The following KIR3DL1 variants were observed in gnomAD, a reference collection of about 807,000 sequenced individuals.
The protein encoded by KIR3DL1 is killer cell immunoglobulin-like receptor 3DL1.
A neutral mutation model predicts 40.3 loss-of-function variants in KIR3DL1; 50 were observed. That is an observed-to-expected ratio of 1.24 (90% CI 0.99 to 1.57). KIR3DL1 has a LOEUF of 1.57. Ranked by LOEUF, KIR3DL1 falls within the 40% of genes most tolerant of loss-of-function variation. The pLI, the probability that KIR3DL1 is intolerant of heterozygous loss-of-function variation, is 0.00. For synonymous variants in KIR3DL1, 257 were observed against 207.2 expected, an observed-to-expected ratio of 1.24 and a Z score of -2.07; for missense variants, 661 against 559.9, an observed-to-expected ratio of 1.18 and a Z score of -1.82.
intron 6 of KIR3DL1, among the ~76,000 whole-genome samples, chr19:54,828,538 G>A (rs531620976): frequency 6.6e-6 from 1 of 151,132 alleles, no homozygotes; most frequent in South Asian, 2.1e-4. Context: ...AAAGCTGCTC[G>A]AGACATGTGG....
At chr19:54,827,920 C>G (rs796087544) in intron 6 of KIR3DL1, among the ~76,000 whole-genome samples, 10 of 148,360 alleles carry the variant, frequency 6.7e-5, no homozygotes, top group Non-Finnish European at 1.3e-4. Flanking sequence ...CTTCCAATCA[C>G]CTGTGGAAAT....
chr19:54,823,792 G>A (rs1401586407), intron 5 of KIR3DL1, among the ~76,000 whole-genome samples: 1 of 151,536 alleles, frequency 6.6e-6, no homozygotes, highest in African/African-American at 2.4e-5. Flanking sequence ...GGCCTAAAAG[G>A]CATTTTAATG....
rs778817060 is a variant in KIR3DL1, at chr19:54,830,315, A to G, written c.*40A>G. ...CCTTGAGGACGTCTTCTAGGGAGAC[A>G]ACAGCCCTGTCTCAAAACCGAGTTG... On this transcript the variant is annotated 3_prime_UTR_variant, in exon 9 of 9. Transcript: ENST00000391728. 9.3e-6 allele frequency: 14 copies of G among 1,506,982 alleles called. 2 individuals are homozygous for G. Among genetic ancestry groups the G allele is most frequent in the Admixed American group, 3.6e-5 (2 of 55,182 alleles). The allele number at this position is 1,506,982 out of a possible 1,614,324, so 93.4% of individuals were successfully genotyped here. A position where few individuals can be genotyped will look rare whatever the true frequency, so the allele number is the denominator to read the frequency against.
chr19:54,821,374 G>T (rs35746443), intron 4 of KIR3DL1, among the ~76,000 whole-genome samples, 191 bp from the exon 5 acceptor site: 40,524 of 150,654 alleles, frequency 0.27, 6,334 homozygotes, highest in Non-Finnish European at 0.32. Flanking sequence ...GGGTGGGGAA[G>T]TGAGGTCATA....
rs2061659424 is a variant in KIR3DL1, at chr19:54,821,872, A to G, written c.949+14A>G. 2.5e-6 allele frequency: 4 copies of G among 1,596,272 alleles called. No individual in the cohort carries two copies. Among genetic ancestry groups the G allele is most frequent in the African/African-American group, 1.4e-5 (1 of 73,908 alleles). On this transcript the variant is annotated intron_variant, in intron 5 of 8. Coordinates refer to ENST00000391728, the Ensembl canonical transcript of KIR3DL1. ...TTTCTGTCACAGGTGAGAAAAGCCC[A>G]TATCTCTCTCATGTCCTATGATCCT...
intron 4 of KIR3DL1, among the ~76,000 whole-genome samples, chr19:54,821,107 A>G (rs2061609383): frequency 6.6e-6 from 1 of 150,490 alleles, no homozygotes; most frequent in African/African-American, 2.5e-5. Flanking sequence ...TAGATGATAC[A>G]TATATAGATA....
intron 2 of KIR3DL1, among the ~76,000 whole-genome samples, chr19:54,817,957 G>A (rs2061432703): frequency 6.7e-6 from 1 of 148,476 alleles, no homozygotes; most frequent in Admixed American, 6.7e-5. Context: ...GGAAACCACA[G>A]CCATGGCCCT....
At chr19:54,826,150 C>A (rs1203456061) in intron 6 of KIR3DL1, among the ~76,000 whole-genome samples, 1 of 150,540 alleles carries the variant, frequency 6.6e-6, no homozygotes, top group African/African-American at 2.5e-5. Context: ...GGTGGGACAG[C>A]ATTCTCCTGC....
Position 54,819,709 on chromosome 19 carries a change from C to T in KIR3DL1, c.356-4C>T. Reference sequence around the variant, plus strand: ...CCTTCTAAACTCACAACTTCTCTTTCTAGGAAACCACAGAAAACCTTCCCT... The same window carrying T: ...CCTTCTAAACTCACAACTTCTCTTTTTAGGAAACCACAGAAAACCTTCCCT... On this transcript the variant is annotated splice_polypyrimidine_tract_variant and splice_region_variant and intron_variant, in intron 3 of 8. Coordinates refer to ENST00000391728, the Ensembl canonical transcript of KIR3DL1. 1 of 1,606,580 alleles carries T rather than the reference C, an allele frequency of 6.2e-7. No individual in the cohort carries two copies. Among genetic ancestry groups the T allele is most frequent in the Non-Finnish European group, 8.5e-7 (1 of 1,176,382 alleles).
intron 4 of KIR3DL1, among the ~76,000 whole-genome samples, chr19:54,821,074 CAG>C (rs2061607910): frequency 6.7e-6 from 1 of 149,256 alleles, no homozygotes; most frequent in Non-Finnish European, 1.5e-5. Flanking sequence ...GAGAGGCAGA[CAG>C]AGAGGTAATA....
intron 5 of KIR3DL1, among the ~76,000 whole-genome samples, chr19:54,823,615 A>C (rs1419003114): frequency 6.6e-6 from 1 of 151,392 alleles, no homozygotes; most frequent in Non-Finnish European, 1.5e-5. Flanking sequence ...CTCCTGCCTC[A>C]GCCTCCAAAG....
At chr19:54,820,579 C>T (rs1192345378) in intron 4 of KIR3DL1, among the ~76,000 whole-genome samples, 2 of 151,472 alleles carry the variant, frequency 1.3e-5, no homozygotes, top group Non-Finnish European at 2.9e-5. Context: ...TTCTGAGGCT[C>T]ATATTCCAAA....
chr19:54,822,444 T>G (rs542098309), intron 5 of KIR3DL1, among the ~76,000 whole-genome samples: 4 of 150,230 alleles, frequency 2.7e-5, no homozygotes, highest in Admixed American at 6.6e-5. Context: ...GGCCAACATG[T>G]GGGAAATTCA....
rs1482809302 is a variant in KIR3DL1 at position 54,829,421 on chromosome 19, T to C, written c.1061T>C (p.Leu354Pro). The C allele has an allele frequency of 5.3e-6, 8 of 1,502,626 alleles. 1 individual carries two copies. The highest frequency in any genetic ancestry group is 6.3e-6 in the Non-Finnish European group (7 of 1,106,086). The allele number at this position is 1,502,626 out of a possible 1,614,324, so 93.1% of individuals were successfully genotyped here. The change falls in exon 7 of 9, where the codon CTC becomes CCC. Residue 354 changes from leucine (L) to proline (P), a missense_variant. By Grantham distance (98) the Leu-to-Pro change is moderately conservative. This residue lies in a region of KIR3DL1 where 107 missense variants were observed against 129.4 expected (regional missense o/e 0.83). Coordinates refer to ENST00000391728, the Ensembl canonical transcript of KIR3DL1. ...TCAGTGGTCATCATCCTCTTCATCC[T>C]CCTCCTCTTCTTTCTCCTTCATCTC...
chr19:54,821,251 T>C (rs1233911612), intron 4 of KIR3DL1, among the ~76,000 whole-genome samples: 1 of 128,996 alleles, frequency 7.8e-6, no homozygotes, highest in Non-Finnish European at 1.8e-5. Flanking sequence ...CAGAAAGTTA[T>C]GAACAAGACA....
intron 6 of KIR3DL1, 91 bp downstream of exon 6, chr19:54,825,169 G>A: frequency 1.2e-6 from 1 of 835,294 alleles, no homozygotes; most frequent in Non-Finnish European, 2.1e-6. Flanking sequence ...TCCCAGCTCT[G>A]TGAATGAGGG....
intron 6 of KIR3DL1, among the ~76,000 whole-genome samples, chr19:54,825,732 G>A (rs2061850886): frequency 1.4e-5 from 2 of 143,036 alleles, no homozygotes; most frequent in Non-Finnish European, 1.6e-5. Context: ...CTAAAATCAA[G>A]GTGACAGCAA....
At chr19:54,821,644 C>G (rs754195550) in exon 5 of KIR3DL1, 2 of 1,609,626 alleles carry the variant, frequency 1.2e-6, no homozygotes, top group South Asian at 1.1e-5. Flanking sequence ...TGTCCTGTAG[C>G]TCCCGGAGCT....
At position 54,819,504 on chromosome 19, in the gene KIR3DL1, T is replaced by G. The variant is rs1210705211; in HGVS notation, c.356-209T>G. 5.3e-5 allele frequency among the ~76,000 whole-genome samples: 8 copies of G among 149,598 alleles called. 1 individual carries two copies. Among genetic ancestry groups the G allele is most frequent in the Admixed American group, 4.6e-4 (7 of 15,054 alleles). On this transcript the variant is annotated intron_variant, in intron 3 of 8. Transcript: ENST00000391728. ...GGCTGTCTTCACAGTGGCAAGGGAG[T>G]CAGGGGCTACTGGAGACAGAGGGAC...
Sources: allele counts gnomAD v4.1 joint callset (sites outside exome capture counted in the v4.1 genomes callset), GRCh38; gene constraint gnomAD v4.1.1; regional missense constraint gnomAD v4.1.1; transcripts MANE v1.5; gene names NCBI Gene and HGNC (gene_info 2026-07-23, HGNC 2026-07-21).